Variants in TDRD12 observed in about 807,000 individuals in gnomAD.
The protein encoded by TDRD12 is tudor domain containing 12.
A neutral mutation model predicts 133.5 loss-of-function variants in TDRD12; 158 were observed. That is an observed-to-expected ratio of 1.18 (90% CI 1.04 to 1.35). TDRD12 has a LOEUF of 1.35. Ranked by LOEUF, TDRD12 falls within the 40% of genes most tolerant of loss-of-function variation. TDRD12 has a pLI of 0.00. For missense variants in TDRD12, 1,443 were observed against 1,321.3 expected, an observed-to-expected ratio of 1.09 and a Z score of -1.43; for synonymous variants, 460 against 477.9, an observed-to-expected ratio of 0.96 and a Z score of 0.49.
At chr19:32,751,919 G>T (rs1192019777) in intron 6 of TDRD12, among the ~76,000 whole-genome samples, 1 of 151,988 alleles carries the variant, frequency 6.6e-6, no homozygotes, top group Non-Finnish European at 1.5e-5. Flanking sequence ...TGTTGCCCAG[G>T]CTGGAGTGCA....
intron 14 of TDRD12, among the ~76,000 whole-genome samples, chr19:32,797,485 C>T (rs922128347): frequency 6.6e-6 from 1 of 152,086 alleles, no homozygotes; most frequent in South Asian, 2.1e-4. Context: ...AGCCTCTGCC[C>T]CATAAGAGCA....
intron 8 of TDRD12, among the ~76,000 whole-genome samples, chr19:32,765,468 A>G (rs1269446996): frequency 2.0e-5 from 3 of 152,248 alleles, no homozygotes; most frequent in African/African-American, 7.2e-5. Context: ...TATTCACAAT[A>G]GCAAATACTT....
chr19:32,772,680 AT>A, intron 8 of TDRD12, 72 bp from the exon 9 acceptor site: 3 of 867,556 alleles, frequency 3.5e-6, no homozygotes, highest in Non-Finnish European at 5.2e-6. Context: ...CTTTTATTAT[AT>A]TCCTTTTTAT....
chr19:32,775,000 A>G (rs931784027), intron 10 of TDRD12, among the ~76,000 whole-genome samples: 1 of 152,096 alleles, frequency 6.6e-6, no homozygotes, highest in Non-Finnish European at 1.5e-5. Flanking sequence ...AAAAAAAATC[A>G]TAATATACCT....
intron 13 of TDRD12, among the ~76,000 whole-genome samples, chr19:32,794,302 A>T (rs1971159272): frequency 6.9e-6 from 1 of 145,788 alleles, no homozygotes; most frequent in Non-Finnish European, 1.5e-5. Flanking sequence ...ATGGGGTTTC[A>T]CCATGTTGGC....
chr19:32,797,366 C>T (rs1971261797), intron 14 of TDRD12, among the ~76,000 whole-genome samples: 1 of 152,156 alleles, frequency 6.6e-6, no homozygotes, highest in Non-Finnish European at 1.5e-5. Flanking sequence ...TGGAGCCAGA[C>T]TGCCTGGGTT....
intron 20 of TDRD12, 30 bp downstream of exon 20, chr19:32,802,819 TC>T (rs1372572526): frequency 6.5e-7 from 1 of 1,535,900 alleles, no homozygotes; most frequent in Admixed American, 2.0e-5. Flanking sequence ...TCTTCCATAT[TC>T]CACTGGCATC....
chr19:32,776,098 G>C (rs1970575722), intron 10 of TDRD12, among the ~76,000 whole-genome samples: 1 of 152,190 alleles, frequency 6.6e-6, no homozygotes, highest in Non-Finnish European at 1.5e-5. Flanking sequence ...GTTGGGGCTT[G>C]TGTTGGGTCA....
intron 13 of TDRD12, among the ~76,000 whole-genome samples, chr19:32,791,643 G>A (rs1462194940): frequency 6.6e-6 from 1 of 152,114 alleles, no homozygotes; most frequent in Non-Finnish European, 1.5e-5. Flanking sequence ...CTTTGCGAGC[G>A]AGGGGAGCGT....
chr19:32,735,119 A>G (rs1378216950), intron 2 of TDRD12, among the ~76,000 whole-genome samples: 2 of 152,230 alleles, frequency 1.3e-5, no homozygotes, highest in African/African-American at 4.8e-5. Flanking sequence ...ACATTAAATT[A>G]AAAGCTAGAA....
chr19:32,820,924 C>G (rs1397019238), intron 27 of TDRD12, 109 bp from the exon 28 acceptor site: 10 of 798,592 alleles, frequency 1.3e-5, no homozygotes, highest in Middle Eastern at 3.6e-4. Flanking sequence ...CTACGTGGGT[C>G]TGACTCCACG....
chr19:32,815,467 C>G (rs1967146117), exon 26 of TDRD12: 1 of 1,535,836 alleles, frequency 6.5e-7, no homozygotes, highest in African/African-American at 1.4e-5. Flanking sequence ...ACAAACCTTT[C>G]CAGTTTAAAA....
intron 8 of TDRD12, among the ~76,000 whole-genome samples, chr19:32,765,058 C>A (rs930095102): frequency 1.3e-5 from 2 of 152,092 alleles, no homozygotes; most frequent in Non-Finnish European, 2.9e-5. Context: ...AACAAACAAC[C>A]CCATCAGCAA....
chr19:32,735,857 C>T (rs1969206736), intron 2 of TDRD12, among the ~76,000 whole-genome samples: 1 of 152,146 alleles, frequency 6.6e-6, no homozygotes, highest in South Asian at 2.1e-4. Flanking sequence ...GTAATCCCAG[C>T]TACTGGGGAG....
chr19:32,768,985 C>T (rs1217297558), intron 8 of TDRD12, among the ~76,000 whole-genome samples: 1 of 152,106 alleles, frequency 6.6e-6, no homozygotes, highest in Non-Finnish European at 1.5e-5. Flanking sequence ...TCAAGCAGTC[C>T]TCCTGCTTCA....
At chr19:32,800,108 G>A in intron 16 of TDRD12, 59 bp from the exon 17 acceptor site, 3 of 953,584 alleles carry the variant, frequency 3.1e-6, no homozygotes, top group Non-Finnish European at 3.0e-6. Context: ...TTTATGTTCT[G>A]CCACACTAGT....
intron 25 of TDRD12, 47 bp downstream of exon 25, chr19:32,813,823 C>A: frequency 9.3e-7 from 1 of 1,076,304 alleles, no homozygotes; most frequent in Non-Finnish European, 1.4e-6. Context: ...GAATGGGCGG[C>A]TAAAATTATC....
intron 10 of TDRD12, among the ~76,000 whole-genome samples, chr19:32,773,858 G>A (rs1490305773): frequency 6.6e-6 from 1 of 152,208 alleles, no homozygotes; most frequent in Non-Finnish European, 1.5e-5. Flanking sequence ...GGAAAAATGT[G>A]ACACCTGGTT....
At chr19:32,757,763 C>T (rs1339835682) in intron 8 of TDRD12, among the ~76,000 whole-genome samples, 1 of 152,132 alleles carries the variant, frequency 6.6e-6, no homozygotes, top group Admixed American at 6.6e-5. Context: ...CTTTGTTTCC[C>T]TTAAATCTGT....
Sources: allele counts gnomAD v4.1 joint callset (sites outside exome capture counted in the v4.1 genomes callset), GRCh38; gene constraint gnomAD v4.1.1; transcripts MANE v1.5; gene names NCBI Gene and HGNC (gene_info 2026-07-23, HGNC 2026-07-21).